The following CLSTN2 variants were observed in gnomAD, a reference collection of about 807,000 sequenced individuals.
The protein encoded by CLSTN2 is calsyntenin-2.
Under a neutral mutation model 101.2 loss-of-function variants are expected in CLSTN2, and 48 were observed. The ratio of observed to expected loss-of-function variants is 0.47; its 90% CI spans 0.38 to 0.60. The LOEUF is 0.60. Ranked by LOEUF, CLSTN2 falls within the 20% of genes least tolerant of loss-of-function variation. CLSTN2 has a pLI of 0.00. For missense variants in CLSTN2, 1,160 were observed against 1,238.2 expected, an observed-to-expected ratio of 0.94 and a Z score of 0.95; for synonymous variants, 481 against 463.6, an observed-to-expected ratio of 1.04 and a Z score of -0.48.
intron 5 of CLSTN2, among the ~76,000 whole-genome samples, chr3:140,432,707 C>G (rs2088646162): frequency 6.6e-6 from 1 of 152,158 alleles, no homozygotes; most frequent in African/African-American, 2.4e-5. Flanking sequence ...TGCCCATGCT[C>G]AAGTCTGCTT....
chr3:140,104,380 A>G (rs537534302), intron 1 of CLSTN2, among the ~76,000 whole-genome samples: 2 of 152,320 alleles, frequency 1.3e-5, no homozygotes, highest in East Asian at 3.9e-4. Context: ...TTCTGTTCTT[A>G]GCACAAATGT....
chr3:140,096,257 G>C (rs1193312911), intron 1 of CLSTN2, among the ~76,000 whole-genome samples: 1 of 152,088 alleles, frequency 6.6e-6, no homozygotes, highest in African/African-American at 2.4e-5. Flanking sequence ...TACTGCTTCT[G>C]ACTGCTTCCT....
chr3:140,121,586 A>T (rs1308946840), intron 1 of CLSTN2, among the ~76,000 whole-genome samples: 1 of 152,204 alleles, frequency 6.6e-6, no homozygotes, highest in Admixed American at 6.5e-5. Flanking sequence ...TTTAAGAATA[A>T]GCTAAGGTGG....
intron 1 of CLSTN2, among the ~76,000 whole-genome samples, chr3:140,066,125 T>G (rs1017245309): frequency 6.6e-6 from 1 of 152,228 alleles, no homozygotes; most frequent in Non-Finnish European, 1.5e-5. Context: ...CCCTTGATTC[T>G]AAGACCTTTG....
At chr3:140,057,640 G>A (rs773114903) in intron 1 of CLSTN2, among the ~76,000 whole-genome samples, 14 of 151,826 alleles carry the variant, frequency 9.2e-5, no homozygotes, top group Non-Finnish European at 2.1e-4. Context: ...TTTTTCCTAT[G>A]TTATAGTTCT....
Position 140,375,068 on chromosome 3 carries a change from T to C in CLSTN2, c.233-28561T>C, listed in dbSNP as rs75336343. Among the ~76,000 whole-genome samples, 1,300 of 152,332 alleles carry C rather than the reference T, an allele frequency of 8.5e-3. 20 individuals carry two copies. Among genetic ancestry groups the C allele is most frequent in the African/African-American group, 0.029 (1,223 of 41,560 alleles). On this transcript the variant is annotated intron_variant, in intron 2 of 16. Transcript: ENST00000458420. ...TGCCTGGACTCTATAATGATATGTA[T>C]GGATGGACAATGCTCTTTGTTGCTC...
In CLSTN2 at chr3:140,419,034, T is replaced by TAAAAA. The variant is rs150492676; in HGVS notation, c.638-2085_638-2081dup. On this transcript the variant is annotated intron_variant, in intron 4 of 16. Transcript: ENST00000458420. The stretch of plus-strand genomic sequence containing the variant: ...ATTGTGTAATTGGTGGACCTTTTTT[T>TAAAAA]AAAAAAAAAATCTTTCAAGCATTAT... 8.4e-3 allele frequency among the ~76,000 whole-genome samples: 1,262 copies of TAAAAA among 150,932 alleles called. 19 individuals are homozygous for TAAAAA. The highest frequency in any genetic ancestry group is 0.029 in the African/African-American group (1,180 of 40,984).
chr3:140,475,416 A>G (rs961078707), intron 8 of CLSTN2, among the ~76,000 whole-genome samples: 1 of 152,182 alleles, frequency 6.6e-6, no homozygotes, highest in Non-Finnish European at 1.5e-5. Flanking sequence ...TTAACATTAC[A>G]TCCTGAGCCA....
intron 1 of CLSTN2, among the ~76,000 whole-genome samples, chr3:140,118,941 TG>T (rs372560011): frequency 1.7e-3 from 255 of 152,214 alleles, no homozygotes; most frequent in Non-Finnish European, 2.6e-3. Context: ...GGGCTGAAGG[TG>T]GGTAAGAAGC....
At chr3:140,399,619 T>G (rs2088219130) in intron 2 of CLSTN2, among the ~76,000 whole-genome samples, 1 of 152,360 alleles carries the variant, frequency 6.6e-6, no homozygotes. Context: ...TATTTTACAG[T>G]TCATATATAC....
At chr3:140,358,891 A>G (rs2087700028) in intron 2 of CLSTN2, among the ~76,000 whole-genome samples, 1 of 152,140 alleles carries the variant, frequency 6.6e-6, no homozygotes, top group African/African-American at 2.4e-5. Context: ...AATTCCCTGC[A>G]TGGGTACACA....
intron 4 of CLSTN2, among the ~76,000 whole-genome samples, chr3:140,412,703 A>G (rs979777143): frequency 2.6e-5 from 4 of 152,214 alleles, no homozygotes; most frequent in Non-Finnish European, 5.9e-5. Flanking sequence ...TTTTTTCTCA[A>G]CCATGACGGT....
intron 1 of CLSTN2, among the ~76,000 whole-genome samples, chr3:140,081,782 ACT>A (rs1329741474): frequency 6.6e-6 from 1 of 151,854 alleles, no homozygotes; most frequent in African/African-American, 2.4e-5. Flanking sequence ...ATTTAGCATC[ACT>A]CTACTCTGGA....
chr3:139,982,843 C>A (rs1013228687), intron 1 of CLSTN2, among the ~76,000 whole-genome samples: 3 of 151,712 alleles, frequency 2.0e-5, no homozygotes, highest in Admixed American at 6.6e-5. Flanking sequence ...GATAGTGGAC[C>A]AATTCTAGAC....
chr3:140,158,925 G>T (rs1489368271), intron 1 of CLSTN2, among the ~76,000 whole-genome samples: 3 of 152,112 alleles, frequency 2.0e-5, no homozygotes, highest in Non-Finnish European at 4.4e-5. Flanking sequence ...ATAAGCAATG[G>T]GGGAAAGAAC....
intron 9 of CLSTN2, among the ~76,000 whole-genome samples, chr3:140,536,036 T>G (rs1379681252): frequency 7.2e-6 from 1 of 139,566 alleles, no homozygotes; most frequent in East Asian, 2.9e-4. Context: ...CACACAAGAA[T>G]GCTGCGTTCC....
intron 5 of CLSTN2, among the ~76,000 whole-genome samples, chr3:140,442,010 G>T (rs963889657): frequency 6.6e-6 from 1 of 152,152 alleles, no homozygotes; most frequent in Non-Finnish European, 1.5e-5. Context: ...CTGACACGGG[G>T]CCCTGATGAA....
At chr3:139,952,153 C>G (rs1426050) in intron 1 of CLSTN2, among the ~76,000 whole-genome samples, 124,887 of 152,178 alleles carry the variant, frequency 0.82, 53,968 homozygotes, top group East Asian at 0.96. Context: ...TTGACTTGGA[C>G]TTGAGTTTAT....
At chr3:140,387,733 T>C (rs2088068124) in intron 2 of CLSTN2, among the ~76,000 whole-genome samples, 1 of 152,236 alleles carries the variant, frequency 6.6e-6, no homozygotes, top group South Asian at 2.1e-4. Context: ...AATTAAAAGA[T>C]ATTTAGCACT....
Sources: allele counts gnomAD v4.1 joint callset (sites outside exome capture counted in the v4.1 genomes callset), GRCh38; gene constraint gnomAD v4.1.1; transcripts MANE v1.5; gene names NCBI Gene and HGNC (gene_info 2026-07-23, HGNC 2026-07-21).